The following COL4A2 variants were observed in gnomAD, a reference collection of about 807,000 sequenced individuals.
COL4A2 encodes the protein collagen type IV alpha 2 chain.
A neutral mutation model predicts 200.2 loss-of-function variants in COL4A2; 99 were observed. The ratio of observed to expected loss-of-function variants is 0.49; its 90% CI spans 0.42 to 0.58. The LOEUF (loss-of-function observed/expected upper bound fraction) is 0.58, where lower values mean the gene tolerates loss of function less well. COL4A2 is among the 20% of genes least tolerant of loss of function. COL4A2 has a pLI of 0.00. For synonymous variants in COL4A2, 897 were observed against 900.6 expected, an observed-to-expected ratio of 1.00 and a Z score of 0.07; for missense variants, 1,950 against 2,314.1, an observed-to-expected ratio of 0.84 and a Z score of 3.23.
intron 3 of COL4A2, among the ~76,000 whole-genome samples, chr13:110,329,071 G>A (rs1036143630): frequency 6.6e-6 from 1 of 152,176 alleles, no homozygotes; most frequent in African/African-American, 2.4e-5. Context: ...TTAGCACAAT[G>A]TGTTTAAAGC....
At chr13:110,412,038 G>C (rs141097601) in intron 4 of COL4A2, among the ~76,000 whole-genome samples, 3 of 152,322 alleles carry the variant, frequency 2.0e-5, no homozygotes, top group East Asian at 1.9e-4. Context: ...GTCCCAACCA[G>C]GGGTCAAAGC....
At chr13:110,313,239 G>C (rs887151829) in intron 3 of COL4A2, among the ~76,000 whole-genome samples, 21 of 152,270 alleles carry the variant, frequency 1.4e-4, no homozygotes, top group African/African-American at 5.1e-4. Context: ...ACTCCCTTCA[G>C]TTAATGAGAC....
chr13:110,382,927 T>C (rs1173020390), intron 4 of COL4A2, among the ~76,000 whole-genome samples: 1 of 152,248 alleles, frequency 6.6e-6, no homozygotes, highest in Non-Finnish European at 1.5e-5. Flanking sequence ...TATATTAACC[T>C]TAAGAAAGAG....
intron 29 of COL4A2, among the ~76,000 whole-genome samples, chr13:110,477,193 A>G (rs1234777601): frequency 6.6e-6 from 1 of 152,172 alleles, no homozygotes; most frequent in Non-Finnish European, 1.5e-5. Context: ...CATTTAAAAA[A>G]GAAAGAAAGA....
chr13:110,445,914 TG>T lies in COL4A2; in HGVS notation c.1011+34del, dbSNP rs748887097. ...CCGTTTCTCATGTCTTTGCCACTTA[TG>T]GTGTCTCGCCCACCCTGGCTGGCCT... On this transcript the variant is annotated intron_variant, in intron 17 of 47. Coordinates refer to ENST00000360467, the MANE Select transcript of COL4A2 (RefSeq NM_001846.4). The T allele has an allele frequency of 2.0e-5, 32 of 1,613,552 alleles. No individual in the cohort carries two copies. The African/African-American group carries it at 4.0e-4, about 20-fold the overall frequency.
chr13:110,382,895 T>C (rs1293248886), intron 4 of COL4A2, among the ~76,000 whole-genome samples: 5 of 152,248 alleles, frequency 3.3e-5, no homozygotes, highest in Non-Finnish European at 2.9e-5. Context: ...TTTACTCAGC[T>C]TAGTGGTAAT....
At chr13:110,479,140 G>T (rs995344215) in intron 30 of COL4A2, among the ~76,000 whole-genome samples, 2 of 152,210 alleles carry the variant, frequency 1.3e-5, no homozygotes, top group Admixed American at 1.3e-4. Context: ...TCTCAGTATC[G>T]ACAGGGCCGT....
At chr13:110,430,221 C>G in intron 8 of COL4A2, 180 bp from the exon 9 acceptor site, 1 of 778,122 alleles carries the variant, frequency 1.3e-6, no homozygotes, top group South Asian at 3.9e-5. Context: ...ATTAATATTA[C>G]TAAAATATAT....
chr13:110,492,208 G>A, intron 38 of COL4A2, 31 bp downstream of exon 38: 4 of 1,542,712 alleles, frequency 2.6e-6, no homozygotes, highest in Non-Finnish European at 2.6e-6. Context: ...TGGTCACCCA[G>A]ACCCAGAGTC....
At chr13:110,481,974 T>TCCGTTGCTGGAGACACACTGTTCTGTCCC (rs1882947543) in intron 31 of COL4A2, among the ~76,000 whole-genome samples, 1 of 89,278 alleles carries the variant, frequency 1.1e-5, no homozygotes, top group Admixed American at 1.2e-4. Context: ...TGTTCTGTCC[T>TCCGTTGCTGGAGACACACTGTTCTGTCCC]TCCGTTGCTG....
chr13:110,483,611 C>CT (rs1271573509), intron 32 of COL4A2, among the ~76,000 whole-genome samples: 2 of 152,254 alleles, frequency 1.3e-5, no homozygotes, highest in African/African-American at 4.8e-5. Context: ...CTTGAGAACA[C>CT]TATGCCACGT....
chr13:110,371,050 G>A (rs1479251503), intron 4 of COL4A2, among the ~76,000 whole-genome samples: 1 of 152,190 alleles, frequency 6.6e-6, no homozygotes, highest in East Asian at 1.9e-4. Context: ...CAAAAAGGGT[G>A]CCCTTCAAAA....
intron 20 of COL4A2, among the ~76,000 whole-genome samples, chr13:110,451,071 T>C (rs943300663): frequency 2.0e-5 from 3 of 152,188 alleles, no homozygotes; most frequent in African/African-American, 4.8e-5. Flanking sequence ...CACAGGAGTG[T>C]GGACCCACCT....
chr13:110,487,860 C>T (rs558240678), intron 34 of COL4A2, among the ~76,000 whole-genome samples: 1 of 152,192 alleles, frequency 6.6e-6, no homozygotes, highest in African/African-American at 2.4e-5. Context: ...TTCAGTGACA[C>T]ACGAGTTCAG....
chr13:110,434,343 T>G, intron 11 of COL4A2, 58 bp from the exon 12 acceptor site: 1 of 1,523,992 alleles, frequency 6.6e-7, no homozygotes, highest in South Asian at 1.2e-5. Context: ...GAAAAATAAT[T>G]TTATTTCTCT....
At chr13:110,469,138 T>C in intron 27 of COL4A2, 79 bp from the exon 28 acceptor site, 2 of 1,502,198 alleles carry the variant, frequency 1.3e-6, no homozygotes, top group Admixed American at 4.0e-5. Context: ...AGATCCACAT[T>C]AAGTCAGATG....
At chr13:110,323,292 CTGTGGTCAGGGAGCTCTAACCAGG>C (rs1344988900) in intron 3 of COL4A2, among the ~76,000 whole-genome samples, 1 of 152,208 alleles carries the variant, frequency 6.6e-6, no homozygotes, top group Non-Finnish European at 1.5e-5. Context: ...GTTGCACCCT[CTGTGGTCAGGGAGCTCTAACCAGG>C]TGATGCCCCG....
intron 24 of COL4A2, among the ~76,000 whole-genome samples, chr13:110,464,291 G>T (rs527784229): frequency 6.6e-6 from 1 of 152,236 alleles, no homozygotes; most frequent in African/African-American, 2.4e-5. Flanking sequence ...GAGGGTTAGG[G>T]TCAGGGAGAA....
At chr13:110,348,846 G>A (rs1409623883) in intron 3 of COL4A2, among the ~76,000 whole-genome samples, 3 of 152,238 alleles carry the variant, frequency 2.0e-5, no homozygotes, top group African/African-American at 7.2e-5. Context: ...TCAGAGGATG[G>A]CTCTTGTTGG....
Sources: allele counts gnomAD v4.1 joint callset (sites outside exome capture counted in the v4.1 genomes callset), GRCh38; gene constraint gnomAD v4.1.1; transcripts MANE v1.5; gene names NCBI Gene and HGNC (gene_info 2026-07-23, HGNC 2026-07-21).